MAP3K4: variants seen among roughly 807,000 people sequenced by gnomAD.
MAP3K4 encodes MAP three kinase 1.
In MAP3K4, 67 loss-of-function variants were observed where a neutral mutation model predicts 185.6. That is an observed-to-expected ratio of 0.36 (90% CI 0.30 to 0.44). The LOEUF (loss-of-function observed/expected upper bound fraction) is 0.44, where lower values mean the gene tolerates loss of function less well. Among genes scored for constraint, MAP3K4 ranks in the 20% least tolerant of loss-of-function variants. MAP3K4 has a pLI of 1.00. For missense variants in MAP3K4, 1,551 were observed against 1,995.1 expected (o/e 0.78, Z 4.24); for synonymous variants, 702 against 710.4 (o/e 0.99, Z 0.19).
At chr6:161,018,010 G>A in intron 1 of MAP3K4, among the ~76,000 whole-genome samples, 1 of 152,142 alleles carries the variant, frequency 6.6e-6, no homozygotes, top group Non-Finnish European at 1.5e-5. Flanking sequence ...TCAGATATTA[G>A]ACAGCAGGCT....
chr6:161,099,751 C>A (rs1192538526), intron 17 of MAP3K4, among the ~76,000 whole-genome samples: 1 of 152,122 alleles, frequency 6.6e-6, no homozygotes, highest in Non-Finnish European at 1.5e-5. Context: ...TAGGGAGTGA[C>A]CTCCCTCTTT....
chr6:161,091,998 A>G lies in MAP3K4; in HGVS notation c.3136-12A>G. ...TTTCCTTAATGTTGATATACATGAA[A>G]TCTTCTTACAGTATCATAAAGAAGT... On this transcript the variant is annotated splice_polypyrimidine_tract_variant and intron_variant, in intron 12 of 26. Coordinates refer to ENST00000392142, the MANE Select transcript of MAP3K4 (RefSeq NM_005922.4). The surrounding 1 kb of genome is among the most constrained non-coding windows in gnomAD (Gnocchi z 5.5). The G allele has an allele frequency of 6.2e-7, 1 of 1,605,372 alleles. No individual in the cohort carries two copies. Among genetic ancestry groups the G allele is most frequent in the Non-Finnish European group, 8.5e-7 (1 of 1,172,306 alleles).
At position 161,056,281 on chromosome 6, in the gene MAP3K4, G is replaced by A. The variant is rs548118775; in HGVS notation, c.1707+6302G>A. On this transcript the variant is annotated intron_variant, in intron 3 of 26. Transcript: ENST00000392142. The surrounding 1 kb of genome is among the most constrained non-coding windows in gnomAD (Gnocchi z 5.4). ...TCAGCCATTTCTCCAAGGAGCTCTGGTTCCTTTTACTGGATAATTGTATTT... is the reference window on the plus strand; with the variant it reads ...TCAGCCATTTCTCCAAGGAGCTCTGATTCCTTTTACTGGATAATTGTATTT... 1.3e-5 allele frequency among the ~76,000 whole-genome samples: 2 copies of A among 152,234 alleles called. No homozygotes were observed. Among genetic ancestry groups the A allele is most frequent in the East Asian group, 3.9e-4 (2 of 5,178 alleles).
chr6:161,036,169 C>T (rs1180447690), intron 2 of MAP3K4, among the ~76,000 whole-genome samples: 1 of 152,118 alleles, frequency 6.6e-6, no homozygotes, highest in Non-Finnish European at 1.5e-5. Context: ...AGGATTGGCC[C>T]TTTTCTTCCA....
intron 6 of MAP3K4, among the ~76,000 whole-genome samples, chr6:161,083,505 A>C (rs1025147412): frequency 3.9e-5 from 6 of 152,182 alleles, no homozygotes; most frequent in African/African-American, 1.4e-4. Flanking sequence ...TTGCTTATCA[A>C]ACGCCAAACT....
rs1448806754 is a variant in MAP3K4 at position 161,114,970 on chromosome 6, C to T, written c.4627-153C>T. Among the ~76,000 whole-genome samples, 3 of 152,188 alleles carry T rather than the reference C, an allele frequency of 2.0e-5. No individual in the cohort carries two copies. The highest frequency in any genetic ancestry group is 4.8e-5 in the African/African-American group (2 of 41,426). On this transcript the variant is annotated intron_variant, in intron 25 of 26. Transcript: ENST00000392142. This position sits in a 1 kb window ranked among gnomAD's most constrained non-coding sequence, Gnocchi z 4.3. Reference sequence around the variant, plus strand: ...ATAGTTGTGATAGAGATCATATGGCCTGTCAACCTAAAATATTGTTTGGCC... The same window carrying T: ...ATAGTTGTGATAGAGATCATATGGCTTGTCAACCTAAAATATTGTTTGGCC...
rs762985464 is a variant in MAP3K4 at position 160,992,043 on chromosome 6, C to G, written c.112C>G (p.Pro38Ala). ...PPPPPPPPPE[P>A]ETESEPECCL... ...GCCGCCGCCACCACCGCCACCGGAA[C>G]CCGAGACCGAGTCAGAACCCGAGTG... The change falls in exon 1 of 27, where the codon CCC (proline) becomes GCC (alanine). Residue 38 changes from proline to alanine, a missense_variant. This residue lies in a region of MAP3K4 where 287 missense variants were observed against 268.8 expected (regional missense o/e 1.07). Coordinates refer to ENST00000392142, the MANE Select transcript of MAP3K4 (RefSeq NM_005922.4). 12 of 1,578,886 alleles carry G rather than the reference C, an allele frequency of 7.6e-6. No individual in the cohort carries two copies. The highest frequency in any genetic ancestry group is 1.0e-5 in the Non-Finnish European group (12 of 1,168,834).
intron 1 of MAP3K4, among the ~76,000 whole-genome samples, chr6:161,026,297 AT>A (rs58126149): frequency 8.7e-5 from 13 of 148,686 alleles, no homozygotes; most frequent in East Asian, 4.0e-4. Flanking sequence ...CGCGCAGCTA[AT>A]TTTTTTTTTT....
chr6:161,079,275 T>A (rs1583205056), intron 5 of MAP3K4, among the ~76,000 whole-genome samples: 1 of 144,892 alleles, frequency 6.9e-6, no homozygotes, highest in African/African-American at 2.6e-5. Flanking sequence ...AGCCTTTGAG[T>A]GCATAGAAAG....
intron 1 of MAP3K4, among the ~76,000 whole-genome samples, chr6:161,030,641 C>T (rs1419744788): frequency 6.6e-6 from 1 of 152,116 alleles, no homozygotes; most frequent in African/African-American, 2.4e-5. Flanking sequence ...TCTCAAACTC[C>T]TGAGCACAAG....
In MAP3K4 at chr6:161,107,991, G is replaced by A. The variant is rs757262388; in HGVS notation, c.4119+22G>A. ...AGAGGTGAGTCACCTGGCTCCGTGG[G>A]GCCTTTGGGCCTGGCGGCTCTGGGT... On this transcript the variant is annotated intron_variant, in intron 21 of 26. Coordinates refer to ENST00000392142, the MANE Select transcript of MAP3K4 (RefSeq NM_005922.4). The surrounding 1 kb of genome is among the most constrained non-coding windows in gnomAD (Gnocchi z 6.2). 1.6e-5 allele frequency: 26 copies of A among 1,610,246 alleles called. No homozygotes were observed. The South Asian group carries it at 2.5e-4, about 16-fold the overall frequency.
chr6:161,068,176 T>C (rs376470392), intron 3 of MAP3K4, among the ~76,000 whole-genome samples: 2 of 152,188 alleles, frequency 1.3e-5, no homozygotes, highest in South Asian at 4.1e-4. Context: ...GATGGTCTAA[T>C]GGGTAAATAG....
intron 3 of MAP3K4, among the ~76,000 whole-genome samples, chr6:161,062,310 A>G (rs554832322): frequency 6.6e-6 from 1 of 152,062 alleles, no homozygotes; most frequent in Non-Finnish European, 1.5e-5. Flanking sequence ...GTGGTGTGGT[A>G]TATCTGTATT....
intron 1 of MAP3K4, among the ~76,000 whole-genome samples, chr6:161,005,409 G>A (rs531693024): frequency 5.4e-4 from 82 of 152,058 alleles, no homozygotes; most frequent in Non-Finnish European, 9.9e-4. Context: ...CAAAGTGCTG[G>A]GATTAGAGGT....
chr6:161,014,519 G>T (rs1431599917), intron 1 of MAP3K4, among the ~76,000 whole-genome samples: 6 of 152,198 alleles, frequency 3.9e-5, no homozygotes, highest in Non-Finnish European at 5.9e-5. Flanking sequence ...TCCAAATTTA[G>T]TGCTAGTCAC....
chr6:161,047,849 G>A (rs1447335161), intron 2 of MAP3K4, among the ~76,000 whole-genome samples: 1 of 152,166 alleles, frequency 6.6e-6, no homozygotes, highest in Admixed American at 6.5e-5. Flanking sequence ...TCAGATTATA[G>A]AACCTCTTCT....
Position 161,096,543 on chromosome 6 carries a change from AT to A in MAP3K4, c.3428-534del. ...AATTTTTATTTTAAATTTTATTCAT[AT>A]TTACCTATTACCAGAATAAAAGAAA... On this transcript the variant is annotated intron_variant, in intron 15 of 26. Transcript: ENST00000392142. This position sits in a 1 kb window ranked among gnomAD's most constrained non-coding sequence, Gnocchi z 4.9. Among the ~76,000 whole-genome samples the A allele has an allele frequency of 6.6e-6, 1 of 152,130 alleles. No homozygotes were observed. Among genetic ancestry groups the A allele is most frequent in the Non-Finnish European group, 1.5e-5 (1 of 68,032 alleles).
Position 161,037,497 on chromosome 6 carries a change from C to A in MAP3K4, c.343+3048C>A, listed in dbSNP as rs1022862616. ...GCAGTGGCGCGATCTCAGCTCACTG[C>A]AACCTCCGCCTCCTGGGTTCAAGCA... On this transcript the variant is annotated intron_variant, in intron 2 of 26. Transcript: ENST00000392142. This position sits in a 1 kb window ranked among gnomAD's most constrained non-coding sequence, Gnocchi z 4.2. 1.3e-5 allele frequency among the ~76,000 whole-genome samples: 2 copies of A among 152,312 alleles called. No individual in the cohort carries two copies. Among genetic ancestry groups the A allele is most frequent in the East Asian group, 3.9e-4 (2 of 5,180 alleles).
intron 15 of MAP3K4, among the ~76,000 whole-genome samples, chr6:161,095,522 A>G (rs1037267154): frequency 3.3e-5 from 5 of 152,316 alleles, no homozygotes; most frequent in East Asian, 1.9e-4. Context: ...CATATTTTCT[A>G]TAGATTCATA....
Sources: gnomAD v4.1 joint callset for allele counts (sites outside exome capture counted in the v4.1 genomes callset) on GRCh38, gnomAD v4.1.1 for gene constraint, gnomAD v4.1.1 regional missense constraint, Gnocchi (gnomAD v3.1) non-coding constraint, MANE v1.5 for transcripts, NCBI Gene and HGNC (gene_info 2026-07-23, HGNC 2026-07-21) for gene names.